Variants in THOC1 observed in about 807,000 individuals in gnomAD.
The protein encoded by THOC1 is THO complex 1.
A neutral mutation model predicts 97.3 loss-of-function variants in THOC1; 29 were observed. The ratio of observed to expected loss-of-function variants is 0.30; its 90% CI spans 0.22 to 0.41. THOC1 has a LOEUF of 0.41. Among genes scored for constraint, THOC1 ranks in the 10% least tolerant of loss-of-function variants. The pLI is 1.00. For synonymous variants in THOC1, 255 were observed against 257.0 expected, an observed-to-expected ratio of 0.99 and a Z score of 0.07; for missense variants, 529 against 761.9, an observed-to-expected ratio of 0.69 and a Z score of 3.60.
chr18:262,749 T>C (rs1308706784), intron 4 of THOC1, among the ~76,000 whole-genome samples: 3 of 152,202 alleles, frequency 2.0e-5, no homozygotes, highest in Non-Finnish European at 4.4e-5. Context: ...AGTTTGCCCC[T>C]ATACTGGGAG....
intron 4 of THOC1, among the ~76,000 whole-genome samples, chr18:261,514 T>C (rs1912604867): frequency 6.6e-6 from 1 of 152,142 alleles, no homozygotes; most frequent in Non-Finnish European, 1.5e-5. Flanking sequence ...AACACACCAA[T>C]AACCACATTT....
At chr18:264,385 G>C (rs904766586) in intron 3 of THOC1, among the ~76,000 whole-genome samples, 4 of 152,214 alleles carry the variant, frequency 2.6e-5, no homozygotes, top group African/African-American at 7.2e-5. Flanking sequence ...GGACAGAAGT[G>C]CTGAAGCCAT....
At chr18:265,248 T>C (rs1420326292) in intron 3 of THOC1, 55 bp downstream of exon 3, 3 of 1,421,390 alleles carry the variant, frequency 2.1e-6, no homozygotes, top group Non-Finnish European at 2.9e-6. Flanking sequence ...AATTTTTAAA[T>C]AACATGGTTT....
chr18:233,977 G>A (rs1041116476), intron 11 of THOC1, among the ~76,000 whole-genome samples: 2 of 152,236 alleles, frequency 1.3e-5, no homozygotes, highest in African/African-American at 4.8e-5. Flanking sequence ...CTGGGGAGAA[G>A]GGGCACTGGG....
chr18:235,027 C>G (rs1911625604), intron 11 of THOC1, among the ~76,000 whole-genome samples: 1 of 150,366 alleles, frequency 6.7e-6, no homozygotes, highest in Non-Finnish European at 1.5e-5. Flanking sequence ...TGATGTCATT[C>G]AAAAAGTGTC....
chr18:241,595 G>T (rs1257898124), intron 11 of THOC1, among the ~76,000 whole-genome samples: 1 of 152,194 alleles, frequency 6.6e-6, no homozygotes, highest in Non-Finnish European at 1.5e-5. Flanking sequence ...GTCTCAGATG[G>T]AAAGTGAGAA....
chr18:221,351 TTC>T (rs1451068196), intron 17 of THOC1, among the ~76,000 whole-genome samples: 29 of 152,158 alleles, frequency 1.9e-4, no homozygotes, highest in African/African-American at 7.0e-4. Flanking sequence ...CAACTTCTCA[TTC>T]TAATTTTGTC....
chr18:228,853 T>C (rs542247049), intron 11 of THOC1, among the ~76,000 whole-genome samples: 3 of 152,190 alleles, frequency 2.0e-5, no homozygotes, highest in Non-Finnish European at 2.9e-5. Flanking sequence ...ACCTTAAACA[T>C]CTGTTTTTAA....
chr18:216,878 A>AACAC (rs1181020651), intron 18 of THOC1, among the ~76,000 whole-genome samples: 1 of 152,248 alleles, frequency 6.6e-6, no homozygotes, highest in African/African-American at 2.4e-5. Flanking sequence ...ATATGCAGCA[A>AACAC]ACACATTTTC....
chr18:258,760 T>C (rs917019745), intron 7 of THOC1, among the ~76,000 whole-genome samples: 1 of 152,160 alleles, frequency 6.6e-6, no homozygotes, highest in Non-Finnish European at 1.5e-5. Context: ...TTCATTATTA[T>C]TCGCTTTATG....
At chr18:236,502 G>A (rs1192456260) in intron 11 of THOC1, among the ~76,000 whole-genome samples, 1 of 138,606 alleles carries the variant, frequency 7.2e-6, no homozygotes, top group East Asian at 3.7e-4. Context: ...AACTACAGGC[G>A]CCCGCTACCA....
At chr18:220,900 TTTC>T (rs1245921269) in intron 17 of THOC1, among the ~76,000 whole-genome samples, 1 of 152,200 alleles carries the variant, frequency 6.6e-6, no homozygotes, top group Non-Finnish European at 1.5e-5. Context: ...TGAGTTTACT[TTTC>T]TTCTGAATGA....
chr18:248,154 T>C (rs1404393903), intron 9 of THOC1, among the ~76,000 whole-genome samples, 197 bp from the exon 10 acceptor site: 1 of 152,222 alleles, frequency 6.6e-6, no homozygotes, highest in African/African-American at 2.4e-5. Context: ...ACTCTTTATC[T>C]ACACTGGTGG....
chr18:259,035 T>G (rs1912521686), intron 7 of THOC1, 145 bp downstream of exon 7: 1 of 629,578 alleles, frequency 1.6e-6, no homozygotes, highest in Non-Finnish European at 2.8e-6. Flanking sequence ...TATACATTTA[T>G]AAGTAAAAGA....
chr18:247,801 C>A, intron 10 of THOC1, 48 bp downstream of exon 10: 1 of 1,128,732 alleles, frequency 8.9e-7, no homozygotes, highest in South Asian at 1.3e-5. Context: ...AGCTCTATCA[C>A]TGTCTATAAA....
intron 11 of THOC1, among the ~76,000 whole-genome samples, chr18:237,686 T>C (rs1911755860): frequency 6.6e-6 from 1 of 152,176 alleles, no homozygotes; most frequent in Non-Finnish European, 1.5e-5. Flanking sequence ...AACTTTTAAT[T>C]TTCACAAATG....
Position 221,820 on chromosome 18 carries a change from C to G in THOC1, c.1370+1620G>C, listed in dbSNP as rs182636081. Among the ~76,000 whole-genome samples the G allele has an allele frequency of 3.6e-3, 544 of 152,024 alleles. 4 individuals carry two copies. Among genetic ancestry groups the G allele is most frequent in the Middle Eastern group, 0.01 (3 of 292 alleles). On this transcript the variant is annotated intron_variant, in intron 17 of 20. Transcript: ENST00000261600. ...AGACGGGGTTTCACCGTGTTAGCCA[C>G]GATGGTCTCTATCTCCTGACCTCAT...
chr18:266,575 G>C (rs1212480098), intron 1 of THOC1, among the ~76,000 whole-genome samples: 1 of 132,870 alleles, frequency 7.5e-6, no homozygotes, highest in Non-Finnish European at 1.6e-5. Context: ...GTCTCCCTCT[G>C]TTGCCCAGGT....
chr18:237,748 A>G (rs1166266905), intron 11 of THOC1, among the ~76,000 whole-genome samples: 3 of 152,236 alleles, frequency 2.0e-5, no homozygotes, highest in Non-Finnish European at 4.4e-5. Context: ...ATAGTTTTCT[A>G]CCTGGAATAG....
Sources: allele counts gnomAD v4.1 joint callset (sites outside exome capture counted in the v4.1 genomes callset), GRCh38; gene constraint gnomAD v4.1.1; transcripts MANE v1.5; gene names NCBI Gene and HGNC (gene_info 2026-07-23, HGNC 2026-07-21).